Variants in XPO1 observed in about 807,000 individuals in gnomAD.
The protein encoded by XPO1 is exportin 1, also known as exportin-1.
Under a neutral mutation model 133.3 loss-of-function variants are expected in XPO1, and 5 were observed. That is an observed-to-expected ratio of 0.04 (90% confidence interval 0.02 to 0.08). XPO1 has a LOEUF of 0.08. XPO1 is among the 10% of genes least tolerant of loss of function. The pLI is 1.00. For synonymous variants in XPO1, 419 were observed against 408.2 expected, an observed-to-expected ratio of 1.03 and a Z score of -0.32; for missense variants, 506 against 1,267.5, an observed-to-expected ratio of 0.40 and a Z score of 9.12.
At chr2:61,518,849 A>C (rs1005807341) in intron 4 of XPO1, among the ~76,000 whole-genome samples, 5 of 152,230 alleles carry the variant, frequency 3.3e-5, no homozygotes, top group African/African-American at 9.6e-5. Flanking sequence ...TTATATAACA[A>C]ATCTCAACTT....
Position 61,492,850 on chromosome 2 carries a change from T to C in XPO1, c.1384+65A>G, listed in dbSNP as rs780938146. ...ATTTAGAAACTACAAGTACATTTCCTAAAATGTATTTCCACCCCAGAATAG... is the reference window on the plus strand; with the variant it reads ...ATTTAGAAACTACAAGTACATTTCCCAAAATGTATTTCCACCCCAGAATAG... On this transcript the variant is annotated intron_variant, in intron 13 of 24. Coordinates refer to ENST00000401558, the MANE Select transcript of XPO1 (RefSeq NM_003400.4). The surrounding 1 kb of genome is among the most constrained non-coding windows in gnomAD (Gnocchi z 5.6). 3.2e-6 allele frequency: 5 copies of C among 1,552,230 alleles called. No homozygotes were observed. The highest frequency in any genetic ancestry group is 3.5e-6 in the Non-Finnish European group (4 of 1,146,170).
rs551606714 is a variant in XPO1 at position 61,531,744 on chromosome 2, C to T, written c.126+2028G>A. Among the ~76,000 whole-genome samples the T allele has an allele frequency of 5.3e-5, 8 of 152,274 alleles. No individual in the cohort carries two copies. The South Asian group carries it at 1.7e-3, about 32-fold the overall frequency. ...AGCAGCTGCTTTCTATGCATCCATG[C>T]TAGAAGAAATGAAGCTTAAAGCTTC... On this transcript the variant is annotated intron_variant, in intron 2 of 24. Transcript: ENST00000401558.
rs1198186858 is a variant in XPO1 at position 61,483,738 on chromosome 2, A to T, written c.2677+199T>A. On this transcript the variant is annotated intron_variant, in intron 21 of 24. Transcript: ENST00000401558. ...CAATTATTACTAGGCCGCTCTCCCC[A>T]TAACTCAATTCTGCCTATGGACTCA... The T allele has an allele frequency of 5.3e-6, 3 of 561,894 alleles. No homozygotes were observed. In the East Asian group the frequency reaches 9.7e-5, roughly 18 times the overall value. The allele number at this position is 561,894 out of a possible 1,614,324, so 34.8% of individuals were successfully genotyped here.
intron 4 of XPO1, among the ~76,000 whole-genome samples, chr2:61,521,163 A>C (rs1174856078): frequency 1.3e-5 from 2 of 152,212 alleles, no homozygotes; most frequent in African/African-American, 4.8e-5. Flanking sequence ...TGTATTAAAG[A>C]TATTGCCACT....
intron 22 of XPO1, 82 bp downstream of exon 22, chr2:61,482,875 G>C (rs965413089): frequency 5.2e-6 from 8 of 1,544,752 alleles, no homozygotes; most frequent in Middle Eastern, 1.8e-4. Context: ...TCCCCGCCTC[G>C]ACCTCCCAAA....
At chr2:61,529,395 C>A (rs1266715626) in intron 2 of XPO1, among the ~76,000 whole-genome samples, 1 of 152,048 alleles carries the variant, frequency 6.6e-6, no homozygotes, top group African/African-American at 2.4e-5. Flanking sequence ...CCGTGGCTCA[C>A]GCCTGTAATC....
chr2:61,483,776 T>G, intron 21 of XPO1, 161 bp downstream of exon 21: 2 of 736,638 alleles, frequency 2.7e-6, no homozygotes, highest in South Asian at 1.9e-5. Context: ...TGGAGTGGAG[T>G]GGAACAGTTG....
chr2:61,518,229 A>C (rs1249636227), intron 4 of XPO1, among the ~76,000 whole-genome samples: 2 of 151,426 alleles, frequency 1.3e-5, no homozygotes, highest in African/African-American at 4.9e-5. Flanking sequence ...CTCCAGCCTG[A>C]GCAACAGAGT....
rs1228790886 is a variant in XPO1 at position 61,492,866 on chromosome 2, C to A, written c.1384+49G>T. 1.9e-6 allele frequency: 3 copies of A among 1,568,284 alleles called. No homozygotes were observed. The highest frequency in any genetic ancestry group is 1.9e-5 in the Admixed American group (1 of 52,834). ...TACATTTCCTAAAATGTATTTCCAC[C>A]CCAGAATAGATTTATAAAGGTAAAG... On this transcript the variant is annotated intron_variant, in intron 13 of 24. Coordinates refer to ENST00000401558, the MANE Select transcript of XPO1 (RefSeq NM_003400.4). The surrounding 1 kb of genome is among the most constrained non-coding windows in gnomAD (Gnocchi z 5.6).
chr2:61,526,219 A>C, intron 3 of XPO1: 1 of 1,382,332 alleles, frequency 7.2e-7, no homozygotes, highest in South Asian at 1.7e-5. Flanking sequence ...CTTGCATACT[A>C]GTCCCATTAC....
At chr2:61,518,822 G>A (rs1698542081) in intron 4 of XPO1, among the ~76,000 whole-genome samples, 1 of 152,100 alleles carries the variant, frequency 6.6e-6, no homozygotes, top group Admixed American at 6.5e-5. Context: ...TGAAAATCCA[G>A]AGAAATGTAA....
Position 61,483,102 on chromosome 2 carries a change from T to C in XPO1, c.2678-11A>G, listed in dbSNP as rs778535977. ...AAAGTATCTGTAAGCCTAAAAGACA[T>C]AGAATACCAATGGAAAGTTACTACA... On this transcript the variant is annotated splice_polypyrimidine_tract_variant and intron_variant, in intron 21 of 24. Transcript: ENST00000401558. 9 of 1,604,218 alleles carry C rather than the reference T, an allele frequency of 5.6e-6. No individual in the cohort carries two copies. The highest frequency in any genetic ancestry group is 2.2e-5 in the East Asian group (1 of 44,686).
At chr2:61,523,105 C>A (rs1358826735) in intron 3 of XPO1, among the ~76,000 whole-genome samples, 1 of 152,200 alleles carries the variant, frequency 6.6e-6, no homozygotes, top group Non-Finnish European at 1.5e-5. Flanking sequence ...CTACCATCCT[C>A]TAGGAGTTAT....
intron 21 of XPO1, 171 bp from the exon 22 acceptor site, chr2:61,483,262 T>C: frequency 1.7e-6 from 1 of 604,156 alleles, no homozygotes; most frequent in Non-Finnish European, 2.7e-6. Flanking sequence ...AATACAACTA[T>C]ATCCAATGCT....
At chr2:61,501,505 T>C (rs539728279) in intron 6 of XPO1, among the ~76,000 whole-genome samples, 2 of 152,072 alleles carry the variant, frequency 1.3e-5, no homozygotes, top group Admixed American at 1.3e-4. Flanking sequence ...GTGGATCACC[T>C]GAGGTCAAGA....
Position 61,482,980 on chromosome 2 carries a change from A to G in XPO1, c.2789T>C (p.Val930Ala). 6.2e-7 allele frequency: 1 copy of G among 1,613,488 alleles called. No individual in the cohort carries two copies. ...ACCAGCAGTATGTGAAGTGTCTGTC[A>G]CAACAGAAAAGATATGCTGGAGAAT... ...CDILQHIFSV[V>A]TDTSHTAGLT... Residue 930 changes from valine (V) to alanine (A), a missense_variant, in exon 22 of 25, where the codon GTG (valine) becomes GCG (alanine). By Grantham distance (64) the Val-to-Ala change is moderately conservative. This residue lies in a region of XPO1 where 203 missense variants were observed against 365.9 expected (regional missense o/e 0.55). Coordinates refer to ENST00000401558, the MANE Select transcript of XPO1 (RefSeq NM_003400.4).
At chr2:61,487,550 A>C (rs1176131172) in intron 19 of XPO1, among the ~76,000 whole-genome samples, 2 of 152,040 alleles carry the variant, frequency 1.3e-5, no homozygotes, top group Non-Finnish European at 2.9e-5. Flanking sequence ...AAACCAAAAA[A>C]CAAAAAACCA....
intron 4 of XPO1, among the ~76,000 whole-genome samples, chr2:61,513,081 C>T (rs13035665): frequency 4.4e-4 from 67 of 152,170 alleles, no homozygotes; most frequent in Middle Eastern, 3.4e-3. Context: ...TTTTTTCAGA[C>T]AGGGTCTTTG....
At chr2:61,508,868 T>C (rs1397969963) in intron 4 of XPO1, among the ~76,000 whole-genome samples, 2 of 152,186 alleles carry the variant, frequency 1.3e-5, no homozygotes, top group African/African-American at 2.4e-5. Context: ...AAGAGAAAGA[T>C]GCAGTCCTAG....
Sources: gnomAD v4.1 joint callset for allele counts (sites outside exome capture counted in the v4.1 genomes callset) on GRCh38, gnomAD v4.1.1 for gene constraint, gnomAD v4.1.1 regional missense constraint, Gnocchi (gnomAD v3.1) non-coding constraint, MANE v1.5 for transcripts, NCBI Gene and HGNC (gene_info 2026-07-23, HGNC 2026-07-21) for gene names.